Variants in LY6G5C observed in about 807,000 individuals in gnomAD.
The protein encoded by LY6G5C is lymphocyte antigen 6 family member G5C.
In LY6G5C, 6 loss-of-function variants were observed where a neutral mutation model predicts 10.5. That is an observed-to-expected ratio of 0.57 (90% confidence interval 0.31 to 1.12). The LOEUF (loss-of-function observed/expected upper bound fraction) is 1.12, where lower values mean the gene tolerates loss of function less well. Ranked by LOEUF, LY6G5C falls within the 50% of genes most tolerant of loss-of-function variation. The pLI is 0.05. For synonymous variants in LY6G5C, 69 were observed against 67.8 expected (o/e 1.02, Z -0.09); for missense variants, 160 against 185.5 (o/e 0.86, Z 0.80).
At chr6:31,677,766 G>A (rs1802660973) in intron 2 of LY6G5C, among the ~76,000 whole-genome samples, 1 of 152,226 alleles carries the variant, frequency 6.6e-6, no homozygotes, top group South Asian at 2.1e-4. Flanking sequence ...GTTGGGGCGG[G>A]GGAAGAGGTG....
chr6:31,680,344 G>T lies in LY6G5C; in HGVS notation c.30C>A (p.Ser10Arg). The T allele has an allele frequency of 6.4e-7, 1 of 1,574,664 alleles. No homozygotes were observed. Among genetic ancestry groups the T allele is most frequent in the Non-Finnish European group, 8.6e-7 (1 of 1,163,606 alleles). Reference sequence around the variant, plus strand: ...GGAAGCACAGGGGACCCAGACTCTGGCTCCCTGCAGGGCCTGCCATAAAAC... The same window carrying T: ...GGAAGCACAGGGGACCCAGACTCTGTCTCCCTGCAGGGCCTGCCATAAAAC... Residue 10 changes from serine (S) to arginine (R), a missense_variant, in exon 1 of 3, where the codon AGC becomes AGA. Coordinates refer to ENST00000383237, the Ensembl canonical transcript of LY6G5C. The surrounding 1 kb of genome is among the most constrained non-coding windows in gnomAD (Gnocchi z 4.5).
At chr6:31,678,765 G>A (rs1583636779) in intron 2 of LY6G5C, among the ~76,000 whole-genome samples, 1 of 152,276 alleles carries the variant, frequency 6.6e-6, no homozygotes, top group African/African-American at 2.4e-5. Context: ...GATCACCTGA[G>A]GTCAGGAGTT....
chr6:31,677,696 C>T (rs989952107), intron 2 of LY6G5C, among the ~76,000 whole-genome samples: 4 of 152,224 alleles, frequency 2.6e-5, no homozygotes, highest in African/African-American at 9.6e-5. Flanking sequence ...GATATCGGAA[C>T]ATTCAGTTCC....
Position 31,677,000 on chromosome 6 carries a change from TC to T in LY6G5C, c.409del (p.Asp137IlefsTer?). On this transcript the variant is annotated frameshift_variant, in exon 3 of 3. Coordinates refer to ENST00000383237, the Ensembl canonical transcript of LY6G5C. LOFTEE classifies it low-confidence loss of function (END_TRUNC). ...TCTGTTTTGAGGGTCATTGCAGAAA[TC>T]CAGGAAGCAGTATTGAGAGAATATC... 1 of 1,612,922 alleles carries T rather than the reference TC, an allele frequency of 6.2e-7. No homozygotes were observed. Among genetic ancestry groups the T allele is most frequent in the African/African-American group, 1.3e-5 (1 of 74,978 alleles).
exon 3 of LY6G5C, chr6:31,676,840 G>A: frequency 1.0e-6 from 1 of 969,832 alleles, no homozygotes; most frequent in Non-Finnish European, 1.6e-6. Flanking sequence ...TCCAGTGGCT[G>A]GAGGGAGGCA....
chr6:31,677,130 G>A lies in LY6G5C; in HGVS notation c.290-10C>T. 6.2e-7 allele frequency: 1 copy of A among 1,611,758 alleles called. No individual in the cohort carries two copies. The highest frequency in any genetic ancestry group is 8.5e-7 in the Non-Finnish European group (1 of 1,179,570). ...ACGTCAGAACCGCTGCCTGGGGAGG[G>A]ACAGTGGGCACCAGTGATACGGAAG... is the stretch of plus-strand genomic sequence containing the variant. On this transcript the variant is annotated splice_polypyrimidine_tract_variant and intron_variant, in intron 2 of 2. Coordinates refer to ENST00000383237, the Ensembl canonical transcript of LY6G5C.
intron 2 of LY6G5C, among the ~76,000 whole-genome samples, chr6:31,677,762 G>GT (rs1802660319): frequency 1.3e-5 from 2 of 152,138 alleles, no homozygotes; most frequent in African/African-American, 4.8e-5. Context: ...TTGGGTTGGG[G>GT]CGGGGGAAGA....
chr6:31,677,693 G>A (rs1419911451), intron 2 of LY6G5C, among the ~76,000 whole-genome samples: 1 of 152,154 alleles, frequency 6.6e-6, no homozygotes, highest in Non-Finnish European at 1.5e-5. Context: ...ACTGATATCG[G>A]AACATTCAGT....
chr6:31,677,079 CCTTA>C lies in LY6G5C; in HGVS notation c.327_330del (p.Ser109ArgfsTer4). ...GTATTTGAACAATCACTCATCTGCTCCTTACTTCGGCAGTCACTCACCATGACGT... is the reference window on the plus strand; with the variant it reads ...GTATTTGAACAATCACTCATCTGCTCCTTCGGCAGTCACTCACCATGACGT... On this transcript the variant is annotated frameshift_variant, in exon 3 of 3. Transcript: ENST00000383237. LOFTEE classifies it low-confidence loss of function (END_TRUNC). 1 of 1,612,992 alleles carries C rather than the reference CCTTA, an allele frequency of 6.2e-7. No homozygotes were observed. Among genetic ancestry groups the C allele is most frequent in the Non-Finnish European group, 8.5e-7 (1 of 1,180,032 alleles).
chr6:31,679,141 G>T lies in LY6G5C; in HGVS notation c.249C>A (p.Thr83=), dbSNP rs767009578. 1 of 1,613,002 alleles carries T rather than the reference G, an allele frequency of 6.2e-7. No homozygotes were observed. Among genetic ancestry groups the T allele is most frequent in the East Asian group, 2.2e-5 (1 of 44,876 alleles). ...GAGTGATGCAGCTGCTGCCAGCTGG[G>T]GTGAGGCAGATGTCAGATCCCAGAA... Residue 83 remains threonine (T), a synonymous_variant, in exon 2 of 3, where the codon ACC becomes ACA. Coordinates refer to ENST00000383237, the Ensembl canonical transcript of LY6G5C. The surrounding 1 kb of genome is among the most constrained non-coding windows in gnomAD (Gnocchi z 4.4).
At chr6:31,677,263 A>C in intron 2 of LY6G5C, 143 bp from the exon 3 acceptor site, 1 of 782,150 alleles carries the variant, frequency 1.3e-6, no homozygotes. Flanking sequence ...CCCAGTGTTC[A>C]CCAGCCATGG....
chr6:31,680,024 G>T lies in LY6G5C; in HGVS notation c.121+229C>A. ...ATCTCGCCACTGCACTCCGGCCTGG[G>T]ATACAGAGCGAGACTCCATCTCAAA... On this transcript the variant is annotated intron_variant, in intron 1 of 2. Coordinates refer to ENST00000383237, the Ensembl canonical transcript of LY6G5C. This position sits in a 1 kb window ranked among gnomAD's most constrained non-coding sequence, Gnocchi z 4.5. 2 of 434,986 alleles carry T rather than the reference G, an allele frequency of 4.6e-6. No homozygotes were observed. The highest frequency in any genetic ancestry group is 5.5e-5 in the South Asian group (2 of 36,452). 26.9% of individuals were successfully genotyped at this position (434,986 alleles called of 1,614,324 possible). A position where few individuals can be genotyped will look rare whatever the true frequency, so the allele number is the denominator to read the frequency against.
At position 31,680,176 on chromosome 6, in the gene LY6G5C, G is replaced by A. The variant is rs1192718303; in HGVS notation, c.121+77C>T. ...GGGTTTACCTGAGCATCCTGGACAGGTGTACCCAGACACTTGGTGTCTGTG... is the reference window on the plus strand; with the variant it reads ...GGGTTTACCTGAGCATCCTGGACAGATGTACCCAGACACTTGGTGTCTGTG... On this transcript the variant is annotated intron_variant, in intron 1 of 2. Coordinates refer to ENST00000383237, the Ensembl canonical transcript of LY6G5C. This position sits in a 1 kb window ranked among gnomAD's most constrained non-coding sequence, Gnocchi z 4.5. 1 of 1,580,706 alleles carries A rather than the reference G, an allele frequency of 6.3e-7. No individual in the cohort carries two copies.
chr6:31,676,732 G>T (rs565435615), downstream of LY6G5C: 67 of 519,914 alleles, frequency 1.3e-4, no homozygotes, highest in Non-Finnish European at 1.2e-4. Context: ...GGGACTAGGG[G>T]ACAAGAGAGG....
upstream of LY6G5C, among the ~76,000 whole-genome samples, chr6:31,680,645 CAA>C (rs1802838278): frequency 6.6e-6 from 1 of 152,226 alleles, no homozygotes; most frequent in African/African-American, 2.4e-5. This position sits in a 1 kb window ranked among gnomAD's most constrained non-coding sequence, Gnocchi z 4.5. Flanking sequence ...CAACCCTGCA[CAA>C]AGTCTCCACC....
upstream of LY6G5C, among the ~76,000 whole-genome samples, chr6:31,680,529 C>A (rs1242854843): frequency 6.6e-6 from 1 of 152,198 alleles, no homozygotes; most frequent in African/African-American, 2.4e-5. This position sits in a 1 kb window ranked among gnomAD's most constrained non-coding sequence, Gnocchi z 4.5. Context: ...GGCATAACAT[C>A]CTGCTTGAGG....
chr6:31,679,297 T>C lies in LY6G5C; in HGVS notation c.122-29A>G, dbSNP rs368664392. On this transcript the variant is annotated intron_variant, in intron 1 of 2. Coordinates refer to ENST00000383237, the Ensembl canonical transcript of LY6G5C. The surrounding 1 kb of genome is among the most constrained non-coding windows in gnomAD (Gnocchi z 4.4). ...GAACACAGAGAAGTGCTGACCCCAC[T>C]CACACCCCATTCTACCTCACACCCT... 1 of 1,612,504 alleles carries C rather than the reference T, an allele frequency of 6.2e-7. No homozygotes were observed. The highest frequency in any genetic ancestry group is 8.5e-7 in the Non-Finnish European group (1 of 1,179,610).
At position 31,679,267 on chromosome 6, in the gene LY6G5C, A is replaced by G. The variant is rs143778717; in HGVS notation, c.123T>C (p.Gly41=). Reference sequence around the variant, plus strand: ...GTTCCCAATTGACAGGAACAAACTTACCTAGAACACAGAGAAGTGCTGACC... The same window carrying G: ...GTTCCCAATTGACAGGAACAAACTTGCCTAGAACACAGAGAAGTGCTGACC... Residue 41 remains glycine, a splice_region_variant and synonymous_variant, in exon 2 of 3, where the codon GGT becomes GGC. Coordinates refer to ENST00000383237, the Ensembl canonical transcript of LY6G5C. This position sits in a 1 kb window ranked among gnomAD's most constrained non-coding sequence, Gnocchi z 4.4. 3.1e-4 allele frequency: 492 copies of G among 1,612,890 alleles called. 2 individuals are homozygous for G. In the Middle Eastern group the frequency reaches 4.6e-3, roughly 15 times the overall value.
upstream of LY6G5C, chr6:31,680,420 G>C (rs1286326813): frequency 3.2e-6 from 5 of 1,578,542 alleles, no homozygotes; most frequent in Non-Finnish European, 4.3e-6. This position sits in a 1 kb window ranked among gnomAD's most constrained non-coding sequence, Gnocchi z 4.5. Context: ...TGGAAGAGAG[G>C]TTGGCCAAGA....
Sources: gnomAD v4.1 joint callset for allele counts (sites outside exome capture counted in the v4.1 genomes callset) on GRCh38, gnomAD v4.1.1 for gene constraint, Gnocchi (gnomAD v3.1) non-coding constraint, MANE v1.5 for transcripts, NCBI Gene and HGNC (gene_info 2026-07-23, HGNC 2026-07-21) for gene names.